Variants in ARHGEF4 observed in about 807,000 individuals in gnomAD.
ARHGEF4 encodes APC-stimulated guanine nucleotide exchange factor 1.
Under a neutral mutation model 162.0 loss-of-function variants are expected in ARHGEF4, and 119 were observed. The ratio of observed to expected loss-of-function variants is 0.73; its 90% CI spans 0.63 to 0.86. The LOEUF is 0.86. Ranked by LOEUF, ARHGEF4 falls within the 40% of genes least tolerant of loss-of-function variation. The pLI, the probability that ARHGEF4 is intolerant of heterozygous loss-of-function variation, is 0.00. For synonymous variants in ARHGEF4, 1,014 were observed against 979.9 expected, an observed-to-expected ratio of 1.03 and a Z score of -0.65; for missense variants, 2,488 against 2,456.0, an observed-to-expected ratio of 1.01 and a Z score of -0.28.
chr2:131,043,729 GCT>G, intron 11 of ARHGEF4, 146 bp downstream of exon 11: 1 of 873,622 alleles, frequency 1.1e-6, no homozygotes. Context: ...GGATGGGGTG[GCT>G]CTCTGCAGGT....
chr2:130,963,159 C>G (rs913820887), intron 4 of ARHGEF4, among the ~76,000 whole-genome samples: 7 of 152,210 alleles, frequency 4.6e-5, no homozygotes, highest in African/African-American at 1.7e-4. Flanking sequence ...ACTGTAAAAC[C>G]CGGTCACTGA....
intron 1 of ARHGEF4, among the ~76,000 whole-genome samples, chr2:130,843,257 G>A (rs988778777): frequency 1.3e-5 from 2 of 152,170 alleles, no homozygotes; most frequent in Non-Finnish European, 2.9e-5. Context: ...GCGGAAGGAG[G>A]GTCTAAACTC....
chr2:130,846,945 A>T (rs1681018860), intron 1 of ARHGEF4, among the ~76,000 whole-genome samples: 1 of 152,190 alleles, frequency 6.6e-6, no homozygotes, highest in African/African-American at 2.4e-5. Context: ...AGATACACAG[A>T]GTGTGTTTCC....
chr2:131,017,275 C>CT (rs1365291974), intron 4 of ARHGEF4, among the ~76,000 whole-genome samples: 11 of 152,182 alleles, frequency 7.2e-5, no homozygotes, highest in African/African-American at 2.7e-4. Context: ...CTCCCACTGG[C>CT]TGTTTGCACA....
At chr2:130,981,299 C>T (rs1355715784) in intron 4 of ARHGEF4, among the ~76,000 whole-genome samples, 1 of 152,156 alleles carries the variant, frequency 6.6e-6, no homozygotes, top group Non-Finnish European at 1.5e-5. Flanking sequence ...TAAATGCCTT[C>T]TACTAAAAAC....
At position 130,988,885 on chromosome 2, in the gene ARHGEF4, TATATATATATATATATAGAG is replaced by T. The variant is rs1404454996; in HGVS notation, c.3986-39058_3986-39039del. Among the ~76,000 whole-genome samples the T allele has an allele frequency of 8.9e-4, 87 of 97,874 alleles. 1 individual carries two copies. Among genetic ancestry groups the T allele is most frequent in the African/African-American group, 3.2e-3 (87 of 26,898 alleles). 64.2% of individuals were successfully genotyped at this position (97,874 alleles called of 152,430 possible). On this transcript the variant is annotated intron_variant, in intron 4 of 13. Transcript: ENST00000409359. The stretch of plus-strand genomic sequence containing the variant: ...GTGTGTGTGTGTGTATATATATATA[TATATATATATATATATAGAG>T]AGAGAGAGAGAGAGAGAGAGAGAGA...
rs1239985303 is a variant in ARHGEF4 at position 130,916,062 on chromosome 2, C to T, written c.2116C>T (p.Arg706Trp). ...IQGAGDGALQRVAQAAELGRV... is the reference protein window; with the variant it reads ...IQGAGDGALQWVAQAAELGRV... ...GGGAGCTGGCGATGGGGCTCTTCAG[C>T]GGGTGGCCCAGGCCGCAGAGCTTGG... Residue 706 changes from arginine to tryptophan, a missense_variant, in exon 2 of 14, where the codon CGG becomes TGG. By Grantham distance (101) the Arg-to-Trp change is moderately radical. This residue lies in a region of ARHGEF4 where 1,642 missense variants were observed against 1,481.5 expected (regional missense o/e 1.11). Coordinates refer to ENST00000409359, the MANE Select transcript of ARHGEF4 (RefSeq NM_001367493.1). 6.5e-7 allele frequency: 1 copy of T among 1,550,048 alleles called. No individual in the cohort carries two copies. The highest frequency in any genetic ancestry group is 1.2e-5 in the South Asian group (1 of 84,018).
At position 130,855,983 on chromosome 2, in the gene ARHGEF4, G is replaced by A. The variant is rs561911157; in HGVS notation, c.39+18991G>A. Among the ~76,000 whole-genome samples the A allele has an allele frequency of 3.6e-4, 55 of 152,282 alleles. 2 individuals are homozygous for A. The highest frequency in any genetic ancestry group is 1.2e-3 in the African/African-American group (50 of 41,572). Reference sequence around the variant, plus strand: ...AAAATAAAAGACAGGCAAAGAAATAGGAAAGTGTGACCCATATACAGGGCA... The same window carrying A: ...AAAATAAAAGACAGGCAAAGAAATAAGAAAGTGTGACCCATATACAGGGCA... On this transcript the variant is annotated intron_variant, in intron 1 of 13. Coordinates refer to ENST00000409359, the MANE Select transcript of ARHGEF4 (RefSeq NM_001367493.1).
At chr2:131,030,080 G>A (rs1482391945) in intron 5 of ARHGEF4, among the ~76,000 whole-genome samples, 2 of 152,230 alleles carry the variant, frequency 1.3e-5, no homozygotes, top group African/African-American at 2.4e-5. Flanking sequence ...CTCCAACCAC[G>A]AGGGTGATCA....
intron 3 of ARHGEF4, among the ~76,000 whole-genome samples, chr2:130,941,328 C>T (rs941107420): frequency 6.6e-5 from 10 of 151,790 alleles, no homozygotes; most frequent in Admixed American, 1.3e-4. Context: ...CTCAGCCTCC[C>T]GAGTAGCTAG....
chr2:130,926,860 C>CT (rs1682327842), intron 2 of ARHGEF4, among the ~76,000 whole-genome samples: 1 of 103,718 alleles, frequency 9.6e-6, no homozygotes, highest in Non-Finnish European at 1.7e-5. Context: ...CTCTTACAGA[C>CT]TAAGAGTATG....
At chr2:130,865,164 G>T (rs534873675) in intron 1 of ARHGEF4, among the ~76,000 whole-genome samples, 1 of 152,224 alleles carries the variant, frequency 6.6e-6, no homozygotes, top group Non-Finnish European at 1.5e-5. Flanking sequence ...AGTCAAAACA[G>T]GCATCTCAGA....
chr2:130,913,617 C>A (rs1681322080), intron 1 of ARHGEF4, among the ~76,000 whole-genome samples: 1 of 152,040 alleles, frequency 6.6e-6, no homozygotes, highest in Non-Finnish European at 1.5e-5. Context: ...TAGGAACAAA[C>A]AACGCAAACA....
At chr2:131,004,176 GT>G (rs532002722) in intron 4 of ARHGEF4, among the ~76,000 whole-genome samples, 1 of 152,024 alleles carries the variant, frequency 6.6e-6, no homozygotes, top group Admixed American at 6.5e-5. Context: ...TTGTTTTGGG[GT>G]TTTTTTGAGA....
At chr2:130,979,686 A>T (rs552787934) in intron 4 of ARHGEF4, among the ~76,000 whole-genome samples, 1 of 148,958 alleles carries the variant, frequency 6.7e-6, no homozygotes, top group Non-Finnish European at 1.5e-5. Context: ...CAGTGAGCCA[A>T]GATTGTGCCG....
chr2:130,943,475 T>G (rs990139377), intron 3 of ARHGEF4, among the ~76,000 whole-genome samples: 4 of 152,192 alleles, frequency 2.6e-5, no homozygotes, highest in Non-Finnish European at 5.9e-5. Flanking sequence ...GATTTAGGTT[T>G]ACCATGTTAT....
At chr2:130,866,792 A>G (rs1360105660) in intron 1 of ARHGEF4, among the ~76,000 whole-genome samples, 1 of 151,946 alleles carries the variant, frequency 6.6e-6, no homozygotes, top group Admixed American at 6.6e-5. Context: ...TCTGTTGAGG[A>G]TTTTTGCATC....
chr2:130,886,288 G>GT (rs34910463), intron 1 of ARHGEF4, among the ~76,000 whole-genome samples: 51 of 149,574 alleles, frequency 3.4e-4, no homozygotes, highest in South Asian at 1.9e-3. Context: ...TCTCATTGCT[G>GT]TTTTTTTTTG....
At chr2:130,837,447 C>G (rs1033967807) in intron 1 of ARHGEF4, 1 of 329,684 alleles carries the variant, frequency 3.0e-6, no homozygotes, top group Non-Finnish European at 6.0e-6. Flanking sequence ...GAAGTGGTTG[C>G]TGTTGTTATT....
Sources: allele counts gnomAD v4.1 joint callset (sites outside exome capture counted in the v4.1 genomes callset), GRCh38; gene constraint gnomAD v4.1.1; regional missense constraint gnomAD v4.1.1; transcripts MANE v1.5; gene names NCBI Gene and HGNC (gene_info 2026-07-23, HGNC 2026-07-21).